DPY19L4: variants seen among roughly 807,000 people sequenced by gnomAD.
DPY19L4 encodes dpy-19 like 4.
In DPY19L4, 97 loss-of-function variants were observed where a neutral mutation model predicts 102.8. The observed-to-expected ratio is 0.94, with a 90% CI of 0.80 to 1.12. The LOEUF (loss-of-function observed/expected upper bound fraction) is 1.12, where lower values mean the gene tolerates loss of function less well. Among genes scored for constraint, DPY19L4 ranks in the 50% most tolerant of loss-of-function variants. The pLI is 0.00. For missense variants in DPY19L4, 815 were observed against 850.4 expected (o/e 0.96, Z 0.52); for synonymous variants, 252 against 283.1 (o/e 0.89, Z 1.10).
intron 1 of DPY19L4, among the ~76,000 whole-genome samples, chr8:94,723,904 T>G (rs1810579169): frequency 6.6e-6 from 1 of 152,190 alleles, no homozygotes; most frequent in Admixed American, 6.6e-5. Context: ...TAATATAAGT[T>G]CTTGAGAGAT....
At chr8:94,786,710 G>GC (rs538356735) in intron 17 of DPY19L4, among the ~76,000 whole-genome samples, 79 of 152,128 alleles carry the variant, frequency 5.2e-4, no homozygotes, top group Non-Finnish European at 8.8e-4. Context: ...ACCGCACCCA[G>GC]CTAATTTTTG....
At chr8:94,747,812 G>A (rs1284186276) in intron 6 of DPY19L4, among the ~76,000 whole-genome samples, 2 of 151,902 alleles carry the variant, frequency 1.3e-5, no homozygotes, top group African/African-American at 4.8e-5. Flanking sequence ...CACCCGCCTC[G>A]GCCTTCCAAA....
At chr8:94,740,748 C>T (rs1811409740) in intron 6 of DPY19L4, among the ~76,000 whole-genome samples, 1 of 152,208 alleles carries the variant, frequency 6.6e-6, no homozygotes, top group African/African-American at 2.4e-5. Flanking sequence ...AGCCACTGCG[C>T]CCGGCTGCAA....
Position 94,780,373 on chromosome 8 carries a change from C to T in DPY19L4, c.1590C>T (p.Ser530=). The change falls in exon 15 of 19, where the codon AGC becomes AGT. Residue 530 remains serine, a synonymous_variant. Coordinates refer to ENST00000414645, the MANE Select transcript of DPY19L4 (RefSeq NM_181787.3). ...VHPILLALIL[S]MAVPTIIGLS... is the part of the protein sequence containing the mutation. The stretch of plus-strand genomic sequence containing the variant: ...TAATATTTTAGGCTCTTATTCTGAG[C>T]ATGGCCGTGCCTACTATAATAGGTC... The T allele has an allele frequency of 1.3e-6, 2 of 1,484,822 alleles. No individual in the cohort carries two copies. Among genetic ancestry groups the T allele is most frequent in the Non-Finnish European group, 1.8e-6 (2 of 1,102,638 alleles). The allele number at this position is 1,484,822 out of a possible 1,614,324, so 92.0% of individuals were successfully genotyped here.
chr8:94,772,993 C>T (rs1212385702), intron 13 of DPY19L4, among the ~76,000 whole-genome samples: 2 of 152,090 alleles, frequency 1.3e-5, no homozygotes, highest in African/African-American at 4.8e-5. Flanking sequence ...GAGCGGATCA[C>T]TTGAGGTCAG....
At chr8:94,723,049 CTGTT>C (rs1810538167) in intron 1 of DPY19L4, among the ~76,000 whole-genome samples, 4 of 152,350 alleles carry the variant, frequency 2.6e-5, no homozygotes, top group Admixed American at 1.3e-4. Context: ...ATTTGAAAGT[CTGTT>C]TGTAGCCCTA....
chr8:94,782,754 A>G (rs1813487562), intron 16 of DPY19L4, among the ~76,000 whole-genome samples: 1 of 152,206 alleles, frequency 6.6e-6, no homozygotes, highest in African/African-American at 2.4e-5. Flanking sequence ...TATTTTATAC[A>G]AATAGTTTTC....
intron 11 of DPY19L4, among the ~76,000 whole-genome samples, chr8:94,766,953 C>G (rs1433902956): frequency 6.6e-6 from 1 of 151,698 alleles, no homozygotes; most frequent in African/African-American, 2.4e-5. Flanking sequence ...GCCTGTGGTT[C>G]CAGCTATTCA....
intron 6 of DPY19L4, among the ~76,000 whole-genome samples, chr8:94,740,494 A>G (rs1476197874): frequency 6.6e-6 from 1 of 151,974 alleles, no homozygotes; most frequent in Non-Finnish European, 1.5e-5. Flanking sequence ...TTGCCCTGTC[A>G]CCTAGGCTGG....
intron 18 of DPY19L4, 45 bp from the exon 19 acceptor site, chr8:94,789,701 A>C (rs758331875): frequency 2.0e-6 from 3 of 1,487,754 alleles, no homozygotes; most frequent in Non-Finnish European, 2.7e-6. Context: ...TTTCTGCTAT[A>C]AGCTTAATAA....
intron 6 of DPY19L4, 109 bp from the exon 7 acceptor site, chr8:94,755,927 A>G: frequency 2.5e-6 from 3 of 1,195,370 alleles, no homozygotes; most frequent in Non-Finnish European, 3.5e-6. Flanking sequence ...TGCCTACCTC[A>G]CAGGATTGTT....
intron 7 of DPY19L4, among the ~76,000 whole-genome samples, chr8:94,758,672 A>G (rs1229216053): frequency 1.3e-5 from 2 of 152,130 alleles, no homozygotes; most frequent in Non-Finnish European, 2.9e-5. Context: ...TGCCCTTGAC[A>G]TCCATGTGAG....
rs141063501 is a variant in DPY19L4 at position 94,774,098 on chromosome 8, C to T, written c.1454+3527C>T. On this transcript the variant is annotated intron_variant, in intron 13 of 18. Transcript: ENST00000414645. ...TCGTTCTGTCGCCCAGACTGGAGTG[C>T]GGTGGTGCCATCACAGCTCACTGTG... Among the ~76,000 whole-genome samples the T allele has an allele frequency of 2.4e-4, 36 of 149,654 alleles. No homozygotes were observed. The East Asian group carries it at 5.2e-3, about 22-fold the overall frequency.
rs1813938681 is a variant in DPY19L4, at chr8:94,793,640, A to G, written c.*3730A>G. 6.6e-6 allele frequency: 1 copy of G among 152,178 alleles called. No homozygotes were observed. The highest frequency in any genetic ancestry group is 2.4e-5 in the African/African-American group (1 of 41,448). 9.4% of individuals were successfully genotyped at this position (152,178 alleles called of 1,614,324 possible). A position where few individuals can be genotyped will look rare whatever the true frequency, so the allele number is the denominator to read the frequency against. The stretch of plus-strand genomic sequence containing the variant: ...CAATGTGTATTAGAATTATAGCTAC[A>G]AAAAGTTGCAAGTAAAATTTAGCAA... On this transcript the variant is annotated 3_prime_UTR_variant, in exon 19 of 19. Coordinates refer to ENST00000414645, the MANE Select transcript of DPY19L4 (RefSeq NM_181787.3).
At chr8:94,751,422 CCT>C (rs962960469) in intron 6 of DPY19L4, among the ~76,000 whole-genome samples, 1 of 151,744 alleles carries the variant, frequency 6.6e-6, no homozygotes, top group Non-Finnish European at 1.5e-5. Context: ...CCGGGACCTC[CCT>C]CTTTTCTTAC....
intron 12 of DPY19L4, among the ~76,000 whole-genome samples, chr8:94,769,308 C>A (rs1276830964): frequency 6.6e-6 from 1 of 151,918 alleles, no homozygotes; most frequent in Non-Finnish European, 1.5e-5. Flanking sequence ...GTGATCCACC[C>A]GTCTTGGCCT....
Position 94,793,458 on chromosome 8 carries a change from C to T in DPY19L4, c.*3548C>T, listed in dbSNP as rs1813935616. ...TTTTTTGTTAAACTTATTTTAAATG[C>T]TTTAGTATTTAAAGGGTGTATGTTA... On this transcript the variant is annotated 3_prime_UTR_variant, in exon 19 of 19. Transcript: ENST00000414645. The T allele has an allele frequency of 1.3e-5, 2 of 152,034 alleles. No individual in the cohort carries two copies. Among genetic ancestry groups the T allele is most frequent in the African/African-American group, 2.4e-5 (1 of 41,412 alleles). 9.4% of individuals were successfully genotyped at this position (152,034 alleles called of 1,614,324 possible).
At chr8:94,743,287 C>A (rs967255644) in intron 6 of DPY19L4, among the ~76,000 whole-genome samples, 6 of 152,080 alleles carry the variant, frequency 3.9e-5, no homozygotes, top group South Asian at 2.1e-4. Context: ...GCCTCGGCCT[C>A]CCAAAGTGCT....
intron 6 of DPY19L4, among the ~76,000 whole-genome samples, chr8:94,752,917 G>A (rs1049506914): frequency 4.6e-5 from 7 of 151,224 alleles, no homozygotes; most frequent in Non-Finnish European, 5.9e-5. Context: ...CGCCCACCTC[G>A]GCCTCCCAAA....
Sources: allele counts gnomAD v4.1 joint callset (sites outside exome capture counted in the v4.1 genomes callset), GRCh38; gene constraint gnomAD v4.1.1; transcripts MANE v1.5; gene names NCBI Gene and HGNC (gene_info 2026-07-23, HGNC 2026-07-21).